The following NCALD variants were observed in gnomAD, a reference collection of about 807,000 sequenced individuals.
NCALD encodes the protein neurocalcin delta, also known as neurocalcin-delta.
A neutral mutation model predicts 18.6 loss-of-function variants in NCALD; 10 were observed. The observed-to-expected ratio is 0.54, with a 90% CI of 0.33 to 0.91. NCALD has a LOEUF of 0.91. NCALD is among the 40% of genes least tolerant of loss of function. NCALD has a pLI of 0.03. For synonymous variants in NCALD, 88 were observed against 87.4 expected (o/e 1.01, Z -0.04); for missense variants, 184 against 247.6 (o/e 0.74, Z 1.72).
At chr8:102,045,658 C>T (rs528142918) in intron 1 of NCALD, among the ~76,000 whole-genome samples, 12 of 152,098 alleles carry the variant, frequency 7.9e-5, no homozygotes, top group South Asian at 4.2e-4. Context: ...ACACAATCCA[C>T]GGAGAACAAA....
chr8:102,077,741 G>A (rs1008743180), intron 1 of NCALD, among the ~76,000 whole-genome samples: 18 of 152,140 alleles, frequency 1.2e-4, no homozygotes, highest in African/African-American at 4.3e-4. Flanking sequence ...CTACACCTTG[G>A]TGGGCCAGAT....
At chr8:101,987,883 G>A (rs990114236) in intron 2 of NCALD, among the ~76,000 whole-genome samples, 2 of 152,138 alleles carry the variant, frequency 1.3e-5, no homozygotes, top group Non-Finnish European at 2.9e-5. Flanking sequence ...GGCCGGGCGC[G>A]GTGGCTCATG....
chr8:101,831,658 G>T (rs1331671573), intron 4 of NCALD, among the ~76,000 whole-genome samples: 1 of 151,922 alleles, frequency 6.6e-6, no homozygotes, highest in Non-Finnish European at 1.5e-5. Flanking sequence ...AGTTCCTTGT[G>T]GCCCCTGAGA....
intron 4 of NCALD, among the ~76,000 whole-genome samples, chr8:101,797,477 A>G (rs1389891829): frequency 6.6e-6 from 1 of 152,198 alleles, no homozygotes; most frequent in Non-Finnish European, 1.5e-5. Context: ...TGACAAAAGG[A>G]AAAAGTGCAA....
At chr8:101,782,604 T>A (rs914795656) in intron 1 of NCALD, among the ~76,000 whole-genome samples, 4 of 152,178 alleles carry the variant, frequency 2.6e-5, no homozygotes, top group Non-Finnish European at 5.9e-5. Flanking sequence ...CCCAACCATG[T>A]TCTTGACTCC....
In NCALD at chr8:101,997,983, C is replaced by T. The variant is rs1821302750; in HGVS notation, c.-157+22254G>A. Among the ~76,000 whole-genome samples, 4 of 152,120 alleles carry T rather than the reference C, an allele frequency of 2.6e-5. No homozygotes were observed. In the South Asian group the frequency reaches 8.3e-4, roughly 32 times the overall value. On this transcript the variant is annotated intron_variant, in intron 2 of 6. Transcript: ENST00000311028. The stretch of plus-strand genomic sequence containing the variant: ...ACATTTCACTCCAACAGAAATAGCC[C>T]ATTAGGACAATAAGAGCATTCAGGT...
At chr8:101,749,685 C>T (rs1276302269) in intron 1 of NCALD, among the ~76,000 whole-genome samples, 1 of 152,170 alleles carries the variant, frequency 6.6e-6, no homozygotes, top group Non-Finnish European at 1.5e-5. Context: ...TACTGCCCTT[C>T]CCCCTACCCT....
chr8:101,740,932 A>G (rs980276346), intron 1 of NCALD, among the ~76,000 whole-genome samples: 1 of 152,144 alleles, frequency 6.6e-6, no homozygotes, highest in Admixed American at 6.6e-5. Flanking sequence ...CTATTCAACT[A>G]TCTTTATTTT....
chr8:101,712,480 G>A (rs999094508), intron 2 of NCALD, among the ~76,000 whole-genome samples: 1 of 149,868 alleles, frequency 6.7e-6, no homozygotes, highest in African/African-American at 2.5e-5. Context: ...TGGATAAAGA[G>A]TCAAGACCCA....
intron 1 of NCALD, among the ~76,000 whole-genome samples, chr8:102,035,767 T>C (rs1485636680): frequency 1.3e-5 from 2 of 152,140 alleles, no homozygotes; most frequent in African/African-American, 4.8e-5. Flanking sequence ...TTCACCAAAA[T>C]TTCATTCGCA....
chr8:101,795,504 G>A (rs1401342756), upstream of NCALD, among the ~76,000 whole-genome samples: 1 of 152,152 alleles, frequency 6.6e-6, no homozygotes, highest in Non-Finnish European at 1.5e-5. Context: ...TGGTAGGACA[G>A]GCACACAGGA....
At chr8:101,751,731 C>G (rs549176569) in intron 1 of NCALD, among the ~76,000 whole-genome samples, 1 of 152,128 alleles carries the variant, frequency 6.6e-6, no homozygotes, top group East Asian at 1.9e-4. Flanking sequence ...AGAGCACTTA[C>G]TAAGTAGTCC....
intron 2 of NCALD, among the ~76,000 whole-genome samples, chr8:101,973,112 G>C (rs1317679410): frequency 1.3e-5 from 2 of 152,140 alleles, no homozygotes; most frequent in African/African-American, 4.8e-5. Flanking sequence ...AACAAGGAAA[G>C]CAAGGGGGAA....
intron 3 of NCALD, chr8:101,690,878 C>A: frequency 4.1e-6 from 4 of 985,332 alleles, no homozygotes; most frequent in Non-Finnish European, 4.8e-6. Flanking sequence ...TCTCAGGGGT[C>A]GGCTCTGGGA....
chr8:101,709,825 C>T (rs1815702074), intron 2 of NCALD, among the ~76,000 whole-genome samples: 1 of 152,154 alleles, frequency 6.6e-6, no homozygotes, highest in African/African-American at 2.4e-5. Flanking sequence ...CCTCAGCCAC[C>T]AATGGGAGGA....
intron 2 of NCALD, among the ~76,000 whole-genome samples, chr8:101,963,050 C>T (rs1323435182): frequency 1.3e-5 from 2 of 152,158 alleles, no homozygotes; most frequent in African/African-American, 4.8e-5. Context: ...TACTTCTTCA[C>T]AGTCCATTTC....
chr8:101,939,491 TTCTTTC>T (rs1818878223), intron 2 of NCALD, among the ~76,000 whole-genome samples: 1 of 152,232 alleles, frequency 6.6e-6, no homozygotes, highest in Non-Finnish European at 1.5e-5. Context: ...TTTTAATTAA[TTCTTTC>T]TCTTTATCTG....
intron 2 of NCALD, among the ~76,000 whole-genome samples, chr8:101,960,766 C>A (rs149300981): frequency 6.6e-6 from 1 of 152,118 alleles, no homozygotes; most frequent in African/African-American, 2.4e-5. Flanking sequence ...TTTTGAGGAC[C>A]CTTTATTTCA....
At chr8:101,841,808 G>A (rs932744658) in intron 4 of NCALD, among the ~76,000 whole-genome samples, 1 of 152,102 alleles carries the variant, frequency 6.6e-6, no homozygotes, top group African/African-American at 2.4e-5. Context: ...TTCTGGCCAA[G>A]GAGACATAAG....
Sources: gnomAD v4.1 joint callset for allele counts (sites outside exome capture counted in the v4.1 genomes callset) on GRCh38, gnomAD v4.1.1 for gene constraint, MANE v1.5 for transcripts, NCBI Gene and HGNC (gene_info 2026-07-23, HGNC 2026-07-21) for gene names.